Variants in PTPRB observed in about 807,000 individuals in gnomAD.
The protein encoded by PTPRB is receptor-type tyrosine-protein phosphatase beta.
A neutral mutation model predicts 238.1 loss-of-function variants in PTPRB; 97 were observed. That is an observed-to-expected ratio of 0.41 (90% CI 0.35 to 0.48). The LOEUF (loss-of-function observed/expected upper bound fraction) is 0.48, where lower values mean the gene tolerates loss of function less well. Among genes scored for constraint, PTPRB ranks in the 20% least tolerant of loss-of-function variants. The probability of loss-of-function intolerance (pLI) is 0.30; values close to 1 mark genes in which losing one functional copy is unlikely to be tolerated. For synonymous variants in PTPRB, 970 were observed against 995.4 expected (o/e 0.97, Z 0.48); for missense variants, 2,292 against 2,681.9 (o/e 0.85, Z 3.21).
At chr12:70,594,051 T>C (rs1200620421) in intron 6 of PTPRB, among the ~76,000 whole-genome samples, 1 of 152,184 alleles carries the variant, frequency 6.6e-6, no homozygotes, top group Non-Finnish European at 1.5e-5. Flanking sequence ...TCCCAGGTCA[T>C]ATGGTTAGAT....
At position 70,520,976 on chromosome 12, in the gene PTPRB, T is replaced by G. The variant is rs1396582866; in HGVS notation, c.*513A>C. On this transcript the variant is annotated 3_prime_UTR_variant, in exon 34 of 34. Coordinates refer to ENST00000334414, the MANE Select transcript of PTPRB (RefSeq NM_001109754.4). ...CCCTCCCTCTAATCCTTTTTTTGAC[T>G]GTCACATTTGTCCTAATAGCAAGTT... 1 of 152,476 alleles carries G rather than the reference T, an allele frequency of 6.6e-6. No individual in the cohort carries two copies. Among genetic ancestry groups the G allele is most frequent in the African/African-American group, 2.4e-5 (1 of 41,458 alleles). 9.4% of individuals were successfully genotyped at this position (152,476 alleles called of 1,614,324 possible). A position where few individuals can be genotyped will look rare whatever the true frequency, so the allele number is the denominator to read the frequency against.
intron 15 of PTPRB, among the ~76,000 whole-genome samples, chr12:70,563,901 G>A (rs570430626): frequency 5.5e-4 from 83 of 152,240 alleles, no homozygotes; most frequent in Middle Eastern, 6.8e-3. Flanking sequence ...TTTCTTGACT[G>A]TACCCACTAT....
At chr12:70,569,373 G>T (rs1314433232) in intron 14 of PTPRB, among the ~76,000 whole-genome samples, 1 of 152,096 alleles carries the variant, frequency 6.6e-6, no homozygotes, top group Non-Finnish European at 1.5e-5. Context: ...CAGGGTGCTG[G>T]GATTACAGGC....
At chr12:70,558,048 T>G (rs1299329123) in intron 18 of PTPRB, among the ~76,000 whole-genome samples, 1 of 152,192 alleles carries the variant, frequency 6.6e-6, no homozygotes, top group East Asian at 1.9e-4. Context: ...TGCATACTGT[T>G]GAGGCTGATC....
In PTPRB at chr12:70,536,151, G is replaced by T; in HGVS notation, c.5955C>A (p.Asn1985Lys). Reference protein sequence around the residue: ...YINASYIPGNNFRREYIVTQG... With the variant: ...YINASYIPGNKFRREYIVTQG... ...GAGTGACAATGTATTCTCTTCTGAA[G>T]TTGTTGCCCTGCAATGAATTTACAA... Residue 1985 changes from asparagine (N) to lysine (K), a missense_variant, in exon 29 of 34, where the codon AAC becomes AAA. Around this residue, in one of 4 missense-constraint regions of PTPRB, gnomAD observed 397 missense variants for 502.0 expected, o/e 0.79. Coordinates refer to ENST00000334414, the MANE Select transcript of PTPRB (RefSeq NM_001109754.4). 1 of 1,613,196 alleles carries T rather than the reference G, an allele frequency of 6.2e-7. No individual in the cohort carries two copies. The highest frequency in any genetic ancestry group is 8.5e-7 in the Non-Finnish European group (1 of 1,179,492).
chr12:70,532,029 T>G lies in PTPRB; in HGVS notation c.6504+6A>C. The G allele has an allele frequency of 6.2e-7, 1 of 1,613,912 alleles. No individual in the cohort carries two copies. The highest frequency in any genetic ancestry group is 8.5e-7 in the Non-Finnish European group (1 of 1,179,858). On this transcript the variant is annotated splice_donor_region_variant and intron_variant, in intron 32 of 33. Transcript: ENST00000334414. ...TGGCCTGTAACTTTCAGTCTATAACTCTTACCTCAGTCTGGACCATGTGAA... is the reference window on the plus strand; with the variant it reads ...TGGCCTGTAACTTTCAGTCTATAACGCTTACCTCAGTCTGGACCATGTGAA...
In PTPRB at chr12:70,517,319, A is replaced by G. The variant is rs925389004; in HGVS notation, c.*4170T>C. 4 of 152,244 alleles carry G rather than the reference A, an allele frequency of 2.6e-5. No individual in the cohort carries two copies. The highest frequency in any genetic ancestry group is 4.4e-5 in the Non-Finnish European group (3 of 68,038). 9.4% of individuals were successfully genotyped at this position (152,244 alleles called of 1,614,324 possible). On this transcript the variant is annotated 3_prime_UTR_variant, in exon 34 of 34. Coordinates refer to ENST00000334414, the MANE Select transcript of PTPRB (RefSeq NM_001109754.4). ...TTGTCCAAGCACACCCAGGCCACAC[A>G]GAAGAGATGCCATTTTATCTTCATG...
rs1258674696 is a variant in PTPRB at position 70,517,048 on chromosome 12, T to C, written c.*4441A>G. On this transcript the variant is annotated 3_prime_UTR_variant, in exon 34 of 34. Transcript: ENST00000334414. ...AGAACAGAACAGATTTTTCCTGTTA[T>C]CATGGCTGCATCAAATGTTACCCTG... 1 of 152,234 alleles carries C rather than the reference T, an allele frequency of 6.6e-6. No homozygotes were observed. Among genetic ancestry groups the C allele is most frequent in the Non-Finnish European group, 1.5e-5 (1 of 68,038 alleles). 9.4% of individuals were successfully genotyped at this position (152,234 alleles called of 1,614,324 possible). A position where few individuals can be genotyped will look rare whatever the true frequency, so the allele number is the denominator to read the frequency against.
chr12:70,584,958 ATTTCTT>A (rs960725752), intron 9 of PTPRB: 4 of 144,874 alleles, frequency 2.8e-5, no homozygotes, highest in African/African-American at 1.1e-4. Flanking sequence ...GAAAAAAGAA[ATTTCTT>A]TTTTTTTTTT....
At chr12:70,557,879 T>C (rs1002817564) in intron 18 of PTPRB, among the ~76,000 whole-genome samples, 6 of 152,170 alleles carry the variant, frequency 3.9e-5, no homozygotes, top group Non-Finnish European at 7.3e-5. Flanking sequence ...CAGGACAGGG[T>C]CCTTCTACTG....
intron 15 of PTPRB, among the ~76,000 whole-genome samples, chr12:70,566,081 C>A (rs1193216744): frequency 6.6e-6 from 1 of 152,130 alleles, no homozygotes; most frequent in Admixed American, 6.5e-5. Context: ...AGAAACACAG[C>A]CCTGTTGTCT....
At chr12:70,550,653 C>T (rs2136292130) in intron 21 of PTPRB, among the ~76,000 whole-genome samples, 1 of 152,256 alleles carries the variant, frequency 6.6e-6, no homozygotes, top group Non-Finnish European at 1.5e-5. Flanking sequence ...CCAAAGACCT[C>T]CGCAGTTACT....
intron 7 of PTPRB, among the ~76,000 whole-genome samples, chr12:70,591,106 T>C (rs1006904468): frequency 6.6e-6 from 1 of 150,422 alleles, no homozygotes; most frequent in African/African-American, 2.4e-5. Context: ...AATTAATTTT[T>C]TTTTTTTTTT....
intron 28 of PTPRB, 187 bp downstream of exon 28, chr12:70,537,968 T>C: frequency 1.9e-6 from 1 of 516,444 alleles, no homozygotes. Context: ...ATAGCCATTG[T>C]GAAAAATGTG....
At chr12:70,606,667 A>G (rs1399402939) in intron 4 of PTPRB, among the ~76,000 whole-genome samples, 2 of 152,240 alleles carry the variant, frequency 1.3e-5, no homozygotes, top group Non-Finnish European at 2.9e-5. Context: ...ACAGTAAAAT[A>G]TGATTTATGC....
intron 9 of PTPRB, among the ~76,000 whole-genome samples, chr12:70,581,980 A>G (rs967165294): frequency 2.6e-5 from 4 of 152,170 alleles, no homozygotes; most frequent in Non-Finnish European, 4.4e-5. Context: ...ACCAAGGATC[A>G]TAAAATGTAA....
intron 12 of PTPRB, 139 bp downstream of exon 12, chr12:70,571,685 T>G (rs1880069177): frequency 2.1e-6 from 2 of 964,756 alleles, no homozygotes; most frequent in Non-Finnish European, 1.5e-6. Flanking sequence ...ATGGCTTGGC[T>G]GAATGATGTT....
chr12:70,632,370 T>C (rs1355761884), intron 2 of PTPRB, among the ~76,000 whole-genome samples: 5 of 151,638 alleles, frequency 3.3e-5, no homozygotes, highest in East Asian at 1.9e-4. Context: ...TAGGTGGAAA[T>C]TGAACAACGA....
rs757510872 is a variant in PTPRB at position 70,587,032 on chromosome 12, A to G, written c.2286T>C (p.Asn762=). The part of the protein sequence containing the change: ...TVTSISGDLK[N]SSSVKGRTVP... ...CTGTTCTTCCTTTTACTGAAGAGGA[A>G]TTTTTTAAGTCTCCACTAATACTGG... The change falls in exon 9 of 34, where the codon AAT becomes AAC. Residue 762 remains asparagine, a synonymous_variant. Transcript: ENST00000334414. The G allele has an allele frequency of 4.3e-6, 7 of 1,613,676 alleles. No individual in the cohort carries two copies. The South Asian group carries it at 6.6e-5, about 15-fold the overall frequency.
Sources: allele counts gnomAD v4.1 joint callset (sites outside exome capture counted in the v4.1 genomes callset), GRCh38; gene constraint gnomAD v4.1.1; regional missense constraint gnomAD v4.1.1; transcripts MANE v1.5; gene names NCBI Gene and HGNC (gene_info 2026-07-23, HGNC 2026-07-21).